The following PCDHB2 variants were observed in gnomAD, a reference collection of about 807,000 sequenced individuals.
PCDHB2 encodes protocadherin beta-2.
For synonymous variants in PCDHB2, 395 were observed against 464.9 expected, an observed-to-expected ratio of 0.85 and a Z score of 1.93; for missense variants, 914 against 1,023.1, an observed-to-expected ratio of 0.89 and a Z score of 1.45.
rs1330554990 is a variant in PCDHB2 at position 141,096,541 on chromosome 5, C to T, written c.1751C>T (p.Pro584Leu). 11 of 1,606,614 alleles carry T rather than the reference C, an allele frequency of 6.8e-6. No homozygotes were observed. The highest frequency in any genetic ancestry group is 1.3e-5 in the African/African-American group (1 of 74,762). Residue 584 changes from proline (P) to leucine (L), a missense_variant, in exon 1 of 1, where the codon CCG becomes CTG. Coordinates refer to ENST00000194155, the MANE Select transcript of PCDHB2 (RefSeq NM_018936.4). ...GAGCTGGTGCCCCGGGCGGCCGAGC[C>T]GGGCTACCTGGTGACCAAGGTGGTG... ...CTELVPRAAE[P>L]GYLVTKVVAV...
chr5:141,098,636 G>A lies in PCDHB2; in HGVS notation c.*1449G>A, dbSNP rs1751878944. On this transcript the variant is annotated 3_prime_UTR_variant, in exon 1 of 1. Coordinates refer to ENST00000194155, the MANE Select transcript of PCDHB2 (RefSeq NM_018936.4). ...CTCTTAATAAAATTTTTGAATGATTGAAAGAGAGAAAAGTATTTTACCTGT... is the reference window on the plus strand; with the variant it reads ...CTCTTAATAAAATTTTTGAATGATTAAAAGAGAGAAAAGTATTTTACCTGT... 6.6e-6 allele frequency: 1 copy of A among 152,056 alleles called. No homozygotes were observed. Among genetic ancestry groups the A allele is most frequent in the South Asian group, 2.1e-4 (1 of 4,818 alleles). The allele number at this position is 152,056 out of a possible 1,614,324, so 9.4% of individuals were successfully genotyped here. A position where few individuals can be genotyped will look rare whatever the true frequency, so the allele number is the denominator to read the frequency against.
In PCDHB2 at chr5:141,097,826, A is replaced by G. The variant is rs1478962588; in HGVS notation, c.*639A>G. 6.6e-6 allele frequency: 1 copy of G among 152,234 alleles called. No individual in the cohort carries two copies. Among genetic ancestry groups the G allele is most frequent in the Non-Finnish European group, 1.5e-5 (1 of 68,222 alleles). 9.4% of individuals were successfully genotyped at this position (152,234 alleles called of 1,614,324 possible). A position where few individuals can be genotyped will look rare whatever the true frequency, so the allele number is the denominator to read the frequency against. On this transcript the variant is annotated 3_prime_UTR_variant, in exon 1 of 1. Coordinates refer to ENST00000194155, the MANE Select transcript of PCDHB2 (RefSeq NM_018936.4). ...GCGATTCTCCTGCCTCAGCCTCCCA[A>G]GTAGCTGGGATTACAGGCATGCATC...
rs370607278 is a variant in PCDHB2 at position 141,096,157 on chromosome 5, C to T, written c.1367C>T (p.Thr456Ile). Residue 456 changes from threonine to isoleucine, a missense_variant, in exon 1 of 1, where the codon ACC becomes ATC. Thr to Ile is a moderately conservative substitution (Grantham distance 89). Transcript: ENST00000194155. Reference protein sequence around the residue: ...VNDNAPAFTQTSYTLFVRENN... With the variant: ...VNDNAPAFTQISYTLFVRENN... ...GACAACGCCCCCGCCTTCACCCAAA[C>T]CTCCTACACCCTGTTCGTCCGCGAG... The T allele has an allele frequency of 1.7e-4, 280 of 1,613,500 alleles. No individual in the cohort carries two copies. In the East Asian group the frequency reaches 2.8e-3, roughly 16 times the overall value.
Position 141,094,654 on chromosome 5 carries a change from C to G in PCDHB2, c.-137C>G, listed in dbSNP as rs964099067. 20 of 622,866 alleles carry G rather than the reference C, an allele frequency of 3.2e-5. 1 individual carries two copies. Among genetic ancestry groups the G allele is most frequent in the Non-Finnish European group, 4.3e-5 (16 of 375,598 alleles). The allele number at this position is 622,866 out of a possible 1,614,324, so 38.6% of individuals were successfully genotyped here. A position where few individuals can be genotyped will look rare whatever the true frequency, so the allele number is the denominator to read the frequency against. On this transcript the variant is annotated 5_prime_UTR_variant, in exon 1 of 1. Coordinates refer to ENST00000194155, the MANE Select transcript of PCDHB2 (RefSeq NM_018936.4). ...AGAAGCAGCAAGCAGGAAGAGGAGG[C>G]TTTCTAAGGCGGTCGCTCCGGGAAA...
Position 141,095,765 on chromosome 5 carries a change from T to G in PCDHB2, c.975T>G (p.Asp325Glu). 1 of 1,614,146 alleles carries G rather than the reference T, an allele frequency of 6.2e-7. No homozygotes were observed. The highest frequency in any genetic ancestry group is 8.5e-7 in the Non-Finnish European group (1 of 1,180,028). The change falls in exon 1 of 1, where the codon GAT becomes GAG. Residue 325 changes from aspartate (D) to glutamate (E), a missense_variant. By Grantham distance (45) the Asp-to-Glu change is conservative. Coordinates refer to ENST00000194155, the MANE Select transcript of PCDHB2 (RefSeq NM_018936.4). ...ACACAGTAAATATTCAGGCGACAGATGGTGGGGGCCTATCTGGAACTTGTG... is the reference window on the plus strand; with the variant it reads ...ACACAGTAAATATTCAGGCGACAGAGGGTGGGGGCCTATCTGGAACTTGTG... ...QTYTVNIQAT[D>E]GGGLSGTCVV...
In PCDHB2 at chr5:141,096,482, G is replaced by C. The variant is rs113481628; in HGVS notation, c.1692G>C (p.Leu564=). 1.6e-5 allele frequency: 25 copies of C among 1,610,562 alleles called. No homozygotes were observed. Among genetic ancestry groups the C allele is most frequent in the African/African-American group, 1.3e-4 (10 of 74,970 alleles). Reference sequence around the variant, plus strand: ...CCAACGACAACTCGCCCTTCGTGCTGTACCCGCTGCAGAACGGCTCCGCGC... The same window carrying C: ...CCAACGACAACTCGCCCTTCGTGCTCTACCCGCTGCAGAACGGCTCCGCGC... ...LDANDNSPFV[L]YPLQNGSAPC... The change falls in exon 1 of 1, where the codon CTG becomes CTC. Residue 564 remains leucine, a synonymous_variant. Coordinates refer to ENST00000194155, the MANE Select transcript of PCDHB2 (RefSeq NM_018936.4).
In PCDHB2 at chr5:141,096,104, C is replaced by T; in HGVS notation, c.1314C>T (p.Asn438=). 6.2e-7 allele frequency: 1 copy of T among 1,614,092 alleles called. No individual in the cohort carries two copies. The highest frequency in any genetic ancestry group is 8.5e-7 in the Non-Finnish European group (1 of 1,180,044). ...CACCCAGGCTGAAAACCGAGCACAA[C>T]ATAACCGTGCTGGTCTCCGACGTCA... The part of the protein sequence containing the change: ...FGTPRLKTEH[N]ITVLVSDVND... The change falls in exon 1 of 1, where the codon AAC becomes AAT. Residue 438 remains asparagine, a synonymous_variant. Transcript: ENST00000194155.
In PCDHB2 at chr5:141,095,531, G is replaced by C. The variant is rs1052196465; in HGVS notation, c.741G>C (p.Leu247=). Reference sequence around the variant, plus strand: ...ACAACGTCCCAGAGTTTGCAAAGCTGCTCTATGAGGTGCAGATCCCGGAGG... The same window carrying C: ...ACAACGTCCCAGAGTTTGCAAAGCTCCTCTATGAGGTGCAGATCCCGGAGG... The part of the protein sequence containing the change: ...INDNVPEFAK[L]LYEVQIPEDS... The change falls in exon 1 of 1, where the codon CTG becomes CTC. Residue 247 remains leucine (L), a synonymous_variant. Transcript: ENST00000194155. 2.5e-6 allele frequency: 4 copies of C among 1,613,942 alleles called. No individual in the cohort carries two copies. In the African/African-American group the frequency reaches 5.3e-5, roughly 22 times the overall value.
At position 141,096,054 on chromosome 5, in the gene PCDHB2, A is replaced by G; in HGVS notation, c.1264A>G (p.Thr422Ala). 6.2e-7 allele frequency: 1 copy of G among 1,613,890 alleles called. No homozygotes were observed. The highest frequency in any genetic ancestry group is 1.3e-5 in the African/African-American group (1 of 74,942). Residue 422 changes from threonine (T) to alanine (A), a missense_variant, in exon 1 of 1, where the codon ACC (threonine) becomes GCC (alanine). Transcript: ENST00000194155. The part of the protein sequence containing the change: ...DRETRSEYNI[T>A]ITVTDFGTPR... Reference sequence around the variant, plus strand: ...GGAGACCAGATCCGAATACAACATCACCATCACCGTCACCGACTTCGGGAC... The same window carrying G: ...GGAGACCAGATCCGAATACAACATCGCCATCACCGTCACCGACTTCGGGAC...
rs752176568 is a variant in PCDHB2, at chr5:141,097,381, T to A, written c.*194T>A. ...AATGTAAATTTTCTTTGTATTCTAA[T>A]TGTTGGTTAGTTTCATTGCAATTTA... On this transcript the variant is annotated 3_prime_UTR_variant, in exon 1 of 1. Coordinates refer to ENST00000194155, the MANE Select transcript of PCDHB2 (RefSeq NM_018936.4). 5.1e-6 allele frequency: 3 copies of A among 589,532 alleles called. No homozygotes were observed. The highest frequency in any genetic ancestry group is 8.3e-6 in the Non-Finnish European group (3 of 360,692). The allele number at this position is 589,532 out of a possible 1,614,324, so 36.5% of individuals were successfully genotyped here.
Position 141,095,930 on chromosome 5 carries a change from C to A in PCDHB2, c.1140C>A (p.Asn380Lys), listed in dbSNP as rs73793576. The A allele has an allele frequency of 1.3e-3, 2,076 of 1,614,162 alleles. 25 individuals are homozygous for A. In the African/African-American group the frequency reaches 0.026, roughly 20 times the overall value. Residue 380 changes from asparagine to lysine, a missense_variant, in exon 1 of 1, where the codon AAC becomes AAA. Transcript: ENST00000194155. Reference protein sequence around the residue: ...FSVSDPDSGDNGRMVCSIQDD... With the variant: ...FSVSDPDSGDKGRMVCSIQDD... ...TTTCAGATCCTGACTCCGGAGACAA[C>A]GGAAGGATGGTGTGCTCCATCCAAG...
Position 141,096,867 on chromosome 5 carries a change from G to T in PCDHB2, c.2077G>T (p.Val693Leu). 1 of 1,611,686 alleles carries T rather than the reference G, an allele frequency of 6.2e-7. No homozygotes were observed. Among genetic ancestry groups the T allele is most frequent in the South Asian group, 1.1e-5 (1 of 91,000 alleles). Residue 693 changes from valine (V) to leucine (L), a missense_variant, in exon 1 of 1, where the codon GTG becomes TTG. Physicochemically the swap from Val to Leu is conservative, Grantham distance 32 (BLOSUM62 1). Transcript: ENST00000194155. ...AQADLLTVYL[V>L]VALASVSSLF... ...GGCCGACTTGCTCACCGTCTACCTG[G>T]TGGTGGCGTTGGCCTCGGTGTCTTC...
At position 141,097,310 on chromosome 5, in the gene PCDHB2, A is replaced by G. The variant is rs3776103; in HGVS notation, c.*123A>G. 0.081 allele frequency: 85,977 copies of G among 1,062,772 alleles called. 3,950 individuals are homozygous for G. The highest frequency in any genetic ancestry group is 0.12 in the South Asian group (6,319 of 51,962). The allele number at this position is 1,062,772 out of a possible 1,614,324, so 65.8% of individuals were successfully genotyped here. On this transcript the variant is annotated 3_prime_UTR_variant, in exon 1 of 1. Transcript: ENST00000194155. ...TAACCATCTTATTCCAATTCTATGC[A>G]TGTTACTGGTATTTATAAATGTATG...
rs1421358844 is a variant in PCDHB2, at chr5:141,096,382, T to G, written c.1592T>G (p.Phe531Cys). 6.2e-7 allele frequency: 1 copy of G among 1,612,602 alleles called. No individual in the cohort carries two copies. The highest frequency in any genetic ancestry group is 8.5e-7 in the Non-Finnish European group (1 of 1,179,784). ...TACGAGGCCCTGCAGGCGTTCGAGT[T>G]CCGCGTGGGCGCCGCAGACCGCGGC... is the stretch of plus-strand genomic sequence containing the variant. ...LDYEALQAFE[F>C]RVGAADRGSP... is the part of the protein sequence containing the mutation. The change falls in exon 1 of 1, where the codon TTC becomes TGC. Residue 531 changes from phenylalanine (F) to cysteine (C), a missense_variant. Transcript: ENST00000194155.
Position 141,094,968 on chromosome 5 carries a change from G to A in PCDHB2, c.178G>A (p.Glu60Lys). The A allele has an allele frequency of 6.2e-7, 1 of 1,613,900 alleles. No individual in the cohort carries two copies. Among genetic ancestry groups the A allele is most frequent in the Non-Finnish European group, 8.5e-7 (1 of 1,179,944 alleles). Residue 60 changes from glutamate to lysine, a missense_variant, in exon 1 of 1, where the codon GAA becomes AAA. Transcript: ENST00000194155. ...AAAAGACCTGGGGCTGGAGATAGGA[G>A]AACTTGCTGTGAGGGGGGCCAGGGT... ...LLKDLGLEIGELAVRGARVVS... is the reference protein window; with the variant it reads ...LLKDLGLEIGKLAVRGARVVS...
rs782792823 is a variant in PCDHB2, at chr5:141,095,141, G to GT, written c.357dup (p.Gln120SerfsTer7). 1.7e-5 allele frequency: 27 copies of GT among 1,613,476 alleles called. No individual in the cohort carries two copies. The highest frequency in any genetic ancestry group is 1.6e-4 in the East Asian group (7 of 44,862). ...AGGTGTTACTAGAAAATCCCTTGCAGTTTTTTCAGGCGGAGCTACGGATTA... is the reference window on the plus strand; with the variant it reads ...AGGTGTTACTAGAAAATCCCTTGCAGTTTTTTTCAGGCGGAGCTACGGATTA... On this transcript the variant is annotated frameshift_variant, in exon 1 of 1. Transcript: ENST00000194155. LOFTEE classifies it low-confidence loss of function (END_TRUNC).
chr5:141,095,998 A>G lies in PCDHB2; in HGVS notation c.1208A>G (p.Tyr403Cys), dbSNP rs200793258. Residue 403 changes from tyrosine (Y) to cysteine (C), a missense_variant, in exon 1 of 1, where the codon TAC (tyrosine) becomes TGC (cysteine). Physicochemically the swap from Tyr to Cys is radical, Grantham distance 194. Coordinates refer to ENST00000194155, the MANE Select transcript of PCDHB2 (RefSeq NM_018936.4). The part of the protein sequence containing the change: ...FFLKPSVENF[Y>C]TLVISTALDR... ...TTGAAACCTTCTGTTGAGAACTTTT[A>G]CACTCTGGTGATAAGCACGGCCCTG... is the stretch of plus-strand genomic sequence containing the variant. 17 of 1,613,958 alleles carry G rather than the reference A, an allele frequency of 1.1e-5. No individual in the cohort carries two copies. The highest frequency in any genetic ancestry group is 1.4e-5 in the Non-Finnish European group (17 of 1,180,030).
In PCDHB2 at chr5:141,096,302, C is replaced by G; in HGVS notation, c.1512C>G (p.Ser504=). Residue 504 remains serine (S), a synonymous_variant, in exon 1 of 1, where the codon TCC becomes TCG. Transcript: ENST00000194155. The part of the protein sequence containing the change: ...PPQDPHLPLA[S]LVSINADNGH... Reference sequence around the variant, plus strand: ...AGGACCCGCACCTGCCCCTCGCCTCCCTGGTCTCCATCAACGCGGACAACG... The same window carrying G: ...AGGACCCGCACCTGCCCCTCGCCTCGCTGGTCTCCATCAACGCGGACAACG... 6.2e-7 allele frequency: 1 copy of G among 1,613,422 alleles called. No homozygotes were observed.
Position 141,095,344 on chromosome 5 carries a change from A to G in PCDHB2, c.554A>G (p.Gln185Arg). The change falls in exon 1 of 1, where the codon CAA (glutamine) becomes CGA (arginine). Residue 185 changes from glutamine (Q) to arginine (R), a missense_variant. By Grantham distance (43) the Gln-to-Arg change is conservative. Transcript: ENST00000194155. ...AATTTCCACTTTCATCTTAATTTAC[A>G]AGACAGTCTCGATGGCATAATATTA... Reference protein sequence around the residue: ...SPNFHFHLNLQDSLDGIILPQ... With the variant: ...SPNFHFHLNLRDSLDGIILPQ... 6.2e-7 allele frequency: 1 copy of G among 1,613,750 alleles called. No individual in the cohort carries two copies. The highest frequency in any genetic ancestry group is 8.5e-7 in the Non-Finnish European group (1 of 1,179,788).
Sources: allele counts gnomAD v4.1 joint callset, GRCh38; gene constraint gnomAD v4.1.1; transcripts MANE v1.5; gene names NCBI Gene and HGNC (gene_info 2026-07-23, HGNC 2026-07-21).